PDE9A: variants seen among roughly 807,000 people sequenced by gnomAD.
PDE9A encodes the protein phosphodiesterase 9A, also known as high affinity cGMP-specific 3',5'-cyclic phosphodiesterase 9A.
PDE9A carries 60 observed loss-of-function variants against 87.4 expected under a neutral mutation model. That is an observed-to-expected ratio of 0.69 (90% confidence interval 0.56 to 0.85). PDE9A has a LOEUF of 0.85. Among genes scored for constraint, PDE9A ranks in the 40% least tolerant of loss-of-function variants. PDE9A has a pLI of 0.00. For missense variants in PDE9A, 665 were observed against 779.0 expected (o/e 0.85, Z 1.74); for synonymous variants, 272 against 279.4 (o/e 0.97, Z 0.27).
intron 1 of PDE9A, among the ~76,000 whole-genome samples, chr21:42,680,560 C>T (rs1458841102): frequency 3.3e-5 from 5 of 152,212 alleles, no homozygotes; most frequent in South Asian, 2.1e-4. Context: ...AGGGTACAAC[C>T]GACCAGAGCC....
chr21:42,663,852 G>A (rs2057773588), intron 1 of PDE9A, among the ~76,000 whole-genome samples: 1 of 152,180 alleles, frequency 6.6e-6, no homozygotes, highest in African/African-American at 2.4e-5. Context: ...TTGCCCTAAA[G>A]CCCAGGCCTC....
At chr21:42,770,897 C>G in intron 18 of PDE9A, 99 bp downstream of exon 18, 1 of 826,306 alleles carries the variant, frequency 1.2e-6, no homozygotes, top group Non-Finnish European at 2.1e-6. Context: ...AAGCAGGGCA[C>G]CACTGAAGGC....
chr21:42,656,602 CTTTA>C (rs2057092042), intron 1 of PDE9A, among the ~76,000 whole-genome samples: 4 of 152,264 alleles, frequency 2.6e-5, no homozygotes, highest in Admixed American at 2.6e-4. Flanking sequence ...CAGGCCAATG[CTTTA>C]TTTATATGAA....
chr21:42,655,123 C>A (rs1257396052), intron 1 of PDE9A, among the ~76,000 whole-genome samples: 1 of 152,064 alleles, frequency 6.6e-6, no homozygotes, highest in East Asian at 1.9e-4. Context: ...CACACACATG[C>A]TCCAATGCTC....
In PDE9A at chr21:42,769,167, TCAC is replaced by T. The variant is rs113406948; in HGVS notation, c.1590+16_1590+18del. 0.014 allele frequency: 22,558 copies of T among 1,610,614 alleles called. 315 individuals are homozygous for T. Among genetic ancestry groups the T allele is most frequent in the South Asian group, 0.046 (4,142 of 90,782 alleles). On this transcript the variant is annotated intron_variant, in intron 17 of 19. Transcript: ENST00000291539. ...AAACAGTGACCAAGGTGAGTAACTG[TCAC>T]CACATGTCACACTTGCTTACACTCA...
chr21:42,731,646 C>T lies in PDE9A; in HGVS notation c.263-124C>T, dbSNP rs185021423. ...CCGTGCAGACCCGCCGTGAGAACAC[C>T]GTGTTCTGAATTGAGACGTGCCTTG... is the stretch of plus-strand genomic sequence containing the variant. On this transcript the variant is annotated intron_variant, in intron 4 of 19. Coordinates refer to ENST00000291539, the MANE Select transcript of PDE9A (RefSeq NM_002606.3). 534 of 986,108 alleles carry T rather than the reference C, an allele frequency of 5.4e-4. 2 individuals carry two copies. In the African/African-American group the frequency reaches 6.9e-3, roughly 13 times the overall value. The allele number at this position is 986,108 out of a possible 1,614,324, so 61.1% of individuals were successfully genotyped here.
rs951425153 is a variant in PDE9A at position 42,752,331 on chromosome 21, G to A, written c.735+1134G>A. 1.6e-4 allele frequency among the ~76,000 whole-genome samples: 25 copies of A among 152,162 alleles called. 1 individual carries two copies. Among genetic ancestry groups the A allele is most frequent in the Admixed American group, 4.6e-4 (7 of 15,274 alleles). Reference sequence around the variant, plus strand: ...CTGTCACCCAGGCTGGAGTGCAATGGCATGATCTCAGCTCACTGCAACCTC... The same window carrying A: ...CTGTCACCCAGGCTGGAGTGCAATGACATGATCTCAGCTCACTGCAACCTC... On this transcript the variant is annotated intron_variant, in intron 9 of 19. Transcript: ENST00000291539.
At chr21:42,699,533 G>A (rs2060327260) in intron 4 of PDE9A, among the ~76,000 whole-genome samples, 1 of 150,986 alleles carries the variant, frequency 6.6e-6, no homozygotes, top group Non-Finnish European at 1.5e-5. Context: ...GGGCCGCTGT[G>A]TTACAATCCT....
At chr21:42,684,427 A>T (rs1298213470) in intron 1 of PDE9A, among the ~76,000 whole-genome samples, 1 of 152,152 alleles carries the variant, frequency 6.6e-6, no homozygotes, top group Non-Finnish European at 1.5e-5. Context: ...CCACAACTCC[A>T]CGGGCATAGC....
chr21:42,655,364 G>C (rs2056981450), intron 1 of PDE9A, among the ~76,000 whole-genome samples: 1 of 152,236 alleles, frequency 6.6e-6, no homozygotes, highest in Admixed American at 6.5e-5. Flanking sequence ...CCCGGGAGCA[G>C]CTCTCTTGGA....
In PDE9A at chr21:42,774,143, A is replaced by G. The variant is rs374738675; in HGVS notation, c.1769-1137A>G. Among the ~76,000 whole-genome samples, 6 of 152,124 alleles carry G rather than the reference A, an allele frequency of 3.9e-5. 1 individual carries two copies. The East Asian group carries it at 1.2e-3, about 29-fold the overall frequency. On this transcript the variant is annotated intron_variant, in intron 19 of 19. Coordinates refer to ENST00000291539, the MANE Select transcript of PDE9A (RefSeq NM_002606.3). ...CAGACTCCATCTCAAAAAAATATAA[A>G]TAAATAAATAAACAATAAATAAGGT...
At chr21:42,687,828 G>A in intron 2 of PDE9A, 89 bp from the exon 3 acceptor site, 2 of 1,137,872 alleles carry the variant, frequency 1.8e-6, no homozygotes, top group Non-Finnish European at 2.6e-6. Context: ...TGTCCTGGTT[G>A]TCTCAGGGCT....
chr21:42,664,255 C>T (rs2057804252), intron 1 of PDE9A, among the ~76,000 whole-genome samples: 1 of 152,246 alleles, frequency 6.6e-6, no homozygotes, highest in Non-Finnish European at 1.5e-5. Flanking sequence ...TGGTGCCTCA[C>T]CTCGCAGCAT....
In PDE9A at chr21:42,705,360, A is replaced by T. The variant is rs2048733269; in HGVS notation, c.262+6349A>T. 6.6e-6 allele frequency among the ~76,000 whole-genome samples: 1 copy of T among 152,170 alleles called. No homozygotes were observed. Among genetic ancestry groups the T allele is most frequent in the Non-Finnish European group, 1.5e-5 (1 of 68,028 alleles). ...CTTTTATTTGATGTAAGCCGCTCAA[A>T]CTCAAAGAGTGTTGTTTTCCAGATT... On this transcript the variant is annotated intron_variant, in intron 4 of 19. Coordinates refer to ENST00000291539, the MANE Select transcript of PDE9A (RefSeq NM_002606.3). This position sits in a 1 kb window ranked among gnomAD's most constrained non-coding sequence, Gnocchi z 4.3.
At position 42,716,838 on chromosome 21, in the gene PDE9A, C is replaced by T. The variant is rs192376846; in HGVS notation, c.263-14932C>T. Reference sequence around the variant, plus strand: ...AGATCTCAGCTCACTGCAACCTCCACCTCCTAGGTTCAAGCGATTCTCCTG... The same window carrying T: ...AGATCTCAGCTCACTGCAACCTCCATCTCCTAGGTTCAAGCGATTCTCCTG... On this transcript the variant is annotated intron_variant, in intron 4 of 19. Coordinates refer to ENST00000291539, the MANE Select transcript of PDE9A (RefSeq NM_002606.3). 8.5e-4 allele frequency among the ~76,000 whole-genome samples: 124 copies of T among 145,102 alleles called. 3 individuals carry two copies. The highest frequency in any genetic ancestry group is 5.1e-3 in the Admixed American group (72 of 14,256).
chr21:42,737,239 A>C (rs145716230), intron 7 of PDE9A, among the ~76,000 whole-genome samples: 81 of 152,374 alleles, frequency 5.3e-4, no homozygotes, highest in Middle Eastern at 3.4e-3. Context: ...CTACATATGC[A>C]CACACACATA....
chr21:42,745,695 G>A (rs1332858424), intron 8 of PDE9A, among the ~76,000 whole-genome samples: 1 of 152,232 alleles, frequency 6.6e-6, no homozygotes, highest in Non-Finnish European at 1.5e-5. Flanking sequence ...TGGCTGCTTT[G>A]GCAGGAGGGT....
In PDE9A at chr21:42,708,461, C is replaced by T. The variant is rs146072436; in HGVS notation, c.262+9450C>T. On this transcript the variant is annotated intron_variant, in intron 4 of 19. Transcript: ENST00000291539. ...CCCTGCTCCTAGGCATTTGTGAGAACCAGGCCAACCCATACCCACCCACTG... is the reference window on the plus strand; with the variant it reads ...CCCTGCTCCTAGGCATTTGTGAGAATCAGGCCAACCCATACCCACCCACTG... 2.9e-3 allele frequency among the ~76,000 whole-genome samples: 446 copies of T among 152,274 alleles called. 5 individuals are homozygous for T. Among genetic ancestry groups the T allele is most frequent in the Middle Eastern group, 0.014 (4 of 294 alleles).
At chr21:42,721,339 T>C (rs2269150) in intron 4 of PDE9A, among the ~76,000 whole-genome samples, 97,963 of 152,138 alleles carry the variant, frequency 0.64, 32,100 homozygotes, top group East Asian at 0.94. Context: ...AGACACTCTC[T>C]AGAACTTCAC....
Sources: gnomAD v4.1 joint callset for allele counts (sites outside exome capture counted in the v4.1 genomes callset) on GRCh38, gnomAD v4.1.1 for gene constraint, Gnocchi (gnomAD v3.1) non-coding constraint, MANE v1.5 for transcripts, NCBI Gene and HGNC (gene_info 2026-07-23, HGNC 2026-07-21) for gene names.